Variants in PCDHA7 observed in about 807,000 individuals in gnomAD.
PCDHA7 encodes protocadherin alpha-7.
A neutral mutation model predicts 57.2 loss-of-function variants in PCDHA7; 37 were observed. The observed-to-expected ratio is 0.65, with a 90% confidence interval of 0.50 to 0.85. PCDHA7 has a LOEUF of 0.85. Among genes scored for constraint, PCDHA7 ranks in the 40% least tolerant of loss-of-function variants. PCDHA7 has a pLI of 0.00. For missense variants in PCDHA7, 1,188 were observed against 1,241.8 expected (o/e 0.96, Z 0.65); for synonymous variants, 553 against 558.8 (o/e 0.99, Z 0.15).
chr5:140,866,703 G>A (rs553518884), intron 1 of PCDHA7: 1 of 152,106 alleles, frequency 6.6e-6, no homozygotes, highest in East Asian at 1.9e-4. Flanking sequence ...AGTGGATGAC[G>A]TGCACTAGTA....
intron 1 of PCDHA7, among the ~76,000 whole-genome samples, chr5:140,891,360 G>T (rs2063061562): frequency 6.6e-6 from 1 of 151,060 alleles, no homozygotes; most frequent in Admixed American, 6.6e-5. Context: ...CATCACCTGA[G>T]CAGTATACAT....
At chr5:141,003,761 C>T (rs1371194132) in intron 3 of PCDHA7, among the ~76,000 whole-genome samples, 3 of 152,160 alleles carry the variant, frequency 2.0e-5, no homozygotes, top group Admixed American at 1.3e-4. Flanking sequence ...TAATTATGGT[C>T]GTATTCTGTT....
At chr5:140,871,140 C>T (rs939950931) in intron 1 of PCDHA7, 2 of 1,613,336 alleles carry the variant, frequency 1.2e-6, no homozygotes, top group Non-Finnish European at 8.5e-7. Context: ...AGGCCTCTTC[C>T]CGGACTTTGG....
At chr5:140,840,664 A>T (rs2150308594) in intron 1 of PCDHA7, among the ~76,000 whole-genome samples, 5 of 152,102 alleles carry the variant, frequency 3.3e-5, no homozygotes, top group Admixed American at 1.3e-4. Context: ...ATATGCACAT[A>T]CATTTTTATT....
Position 140,835,566 on chromosome 5 carries a change from T to G in PCDHA7, c.1183T>G (p.Phe395Val). The change falls in exon 1 of 4, where the codon TTC becomes GTC. Residue 395 changes from phenylalanine to valine, a missense_variant. Phe to Val is a conservative substitution (Grantham distance 50). This residue lies in a region of PCDHA7 where 892 missense variants were observed against 788.5 expected (regional missense o/e 1.13). Transcript: ENST00000525929. ...CTGCTCCCTGACGCCCCGCGTTCCC[T>G]TCAAGTTGGTGTCCACCTTCAAGAA... The part of the protein sequence containing the change: ...VTCSLTPRVP[F>V]KLVSTFKNYY... 1 of 1,613,930 alleles carries G rather than the reference T, an allele frequency of 6.2e-7. No individual in the cohort carries two copies. Among genetic ancestry groups the G allele is most frequent in the African/African-American group, 1.3e-5 (1 of 75,050 alleles).
At chr5:140,870,483 C>G (rs782740203) in intron 1 of PCDHA7, 10 of 1,614,240 alleles carry the variant, frequency 6.2e-6, no homozygotes, top group Middle Eastern at 1.6e-4. Context: ...CCGAGTACAC[C>G]GTGTTCGTGA....
At chr5:140,908,103 TC>T (rs1554193224) in intron 1 of PCDHA7, among the ~76,000 whole-genome samples, 2 of 152,192 alleles carry the variant, frequency 1.3e-5, no homozygotes, top group Non-Finnish European at 2.9e-5. Flanking sequence ...TGAAGTTCTG[TC>T]CACTGGGAAG....
intron 1 of PCDHA7, chr5:140,928,813 C>T: frequency 6.2e-7 from 1 of 1,614,118 alleles, no homozygotes; most frequent in Non-Finnish European, 8.5e-7. Flanking sequence ...GGTTCGGGAC[C>T]ATGGAGACCC....
intron 1 of PCDHA7, among the ~76,000 whole-genome samples, chr5:140,949,378 A>G (rs2094372256): frequency 6.6e-6 from 1 of 151,852 alleles, no homozygotes; most frequent in South Asian, 2.1e-4. Flanking sequence ...TGTCCTATCA[A>G]TTGCTCAGAG....
At chr5:140,966,900 G>A (rs376213042) in intron 1 of PCDHA7, 1 of 1,598,684 alleles carries the variant, frequency 6.3e-7, no homozygotes, top group Non-Finnish European at 8.5e-7. Flanking sequence ...TCCCAGCTGC[G>A]ATACTCTGTG....
Position 140,927,187 on chromosome 5 carries a change from C to G in PCDHA7, c.2356-51762C>G, listed in dbSNP as rs558671063. 141 of 1,614,164 alleles carry G rather than the reference C, an allele frequency of 8.7e-5. 1 individual carries two copies. The South Asian group carries it at 1.5e-3, about 17-fold the overall frequency. The stretch of plus-strand genomic sequence containing the variant: ...AGCTGCCTGCGTCTTGACCTACGAC[C>G]TGGTGCTCGAGGACCCGCTGGAGCT... On this transcript the variant is annotated intron_variant, in intron 1 of 3. Transcript: ENST00000525929.
At chr5:140,852,888 T>A in intron 1 of PCDHA7, 1 of 920,092 alleles carries the variant, frequency 1.1e-6, no homozygotes. Context: ...AAAACGTATT[T>A]TTTTTTTTGA....
intron 1 of PCDHA7, chr5:140,868,100 ATTTAT>A (rs2153230738): frequency 1.3e-5 from 2 of 152,260 alleles, no homozygotes; most frequent in South Asian, 2.1e-4. Context: ...TGATAATAAA[ATTTAT>A]TTTATAGTTG....
intron 1 of PCDHA7, chr5:140,857,181 C>G (rs2044400350): frequency 6.3e-7 from 1 of 1,598,486 alleles, no homozygotes; most frequent in East Asian, 2.2e-5. Flanking sequence ...GACCATGATT[C>G]AGGAGCCAAC....
At chr5:140,865,006 T>C (rs1171249709) in intron 1 of PCDHA7, 2 of 152,174 alleles carry the variant, frequency 1.3e-5, no homozygotes, top group Non-Finnish European at 2.9e-5. Context: ...GAGACCAGCC[T>C]CGGCAACATA....
intron 1 of PCDHA7, chr5:140,842,373 C>T (rs1554138976): frequency 1.9e-6 from 3 of 1,608,288 alleles, no homozygotes; most frequent in Admixed American, 1.7e-5. Flanking sequence ...CCTGAGATAG[C>T]ACTGACTTCC....
Position 140,888,156 on chromosome 5 carries a change from A to T in PCDHA7, c.2355+51418A>T, listed in dbSNP as rs556908449. 2.0e-5 allele frequency among the ~76,000 whole-genome samples: 3 copies of T among 152,300 alleles called. No homozygotes were observed. In the South Asian group the frequency reaches 6.2e-4, roughly 32 times the overall value. On this transcript the variant is annotated intron_variant, in intron 1 of 3. Coordinates refer to ENST00000525929, the MANE Select transcript of PCDHA7 (RefSeq NM_018910.3). ...TTTCTTGCTGTTTTGCATGACTGGT[A>T]ATCTCTAATAAGATGCTAGACATTG...
chr5:140,929,532 G>T, intron 1 of PCDHA7: 1 of 602,214 alleles, frequency 1.7e-6, no homozygotes, highest in Non-Finnish European at 2.5e-6. Flanking sequence ...TTATTTTTGA[G>T]AAACAAGGGC....
At chr5:140,858,475 G>A in intron 1 of PCDHA7, 1 of 1,517,006 alleles carries the variant, frequency 6.6e-7, no homozygotes, top group Non-Finnish European at 9.0e-7. Flanking sequence ...TGTGCTTTAT[G>A]AATAATATTT....
Sources: gnomAD v4.1 joint callset for allele counts (sites outside exome capture counted in the v4.1 genomes callset) on GRCh38, gnomAD v4.1.1 for gene constraint, gnomAD v4.1.1 regional missense constraint, MANE v1.5 for transcripts, NCBI Gene and HGNC (gene_info 2026-07-23, HGNC 2026-07-21) for gene names.